Variants in PTPRG observed in about 807,000 individuals in gnomAD.
PTPRG encodes the protein receptor-type tyrosine-protein phosphatase gamma.
In PTPRG, 102 loss-of-function variants were observed where a neutral mutation model predicts 165.3. That is an observed-to-expected ratio of 0.62 (90% confidence interval 0.53 to 0.73). PTPRG has a LOEUF of 0.73. Among genes scored for constraint, PTPRG ranks in the 30% least tolerant of loss-of-function variants. The probability of loss-of-function intolerance (pLI) is 0.00; values close to 1 mark genes in which losing one functional copy is unlikely to be tolerated. For missense variants in PTPRG, 1,866 were observed against 1,861.4 expected (o/e 1.00, Z -0.05); for synonymous variants, 675 against 669.5 (o/e 1.01, Z -0.13).
chr3:62,223,699 G>A (rs1182945875), intron 13 of PTPRG, among the ~76,000 whole-genome samples: 1 of 152,194 alleles, frequency 6.6e-6, no homozygotes, highest in Non-Finnish European at 1.5e-5. Context: ...TGAATGTGAG[G>A]TAGTGTTATA....
At position 61,609,113 on chromosome 3, in the gene PTPRG, A is replaced by G. The variant is rs76749386; in HGVS notation, c.85+46741A>G. ...ATGACCTTTTCCATTTATGAAAATT[A>G]CTCTTCAGGACGATATACCTTCATC... On this transcript the variant is annotated intron_variant, in intron 1 of 29. Coordinates refer to ENST00000474889, the MANE Select transcript of PTPRG (RefSeq NM_002841.4). Among the ~76,000 whole-genome samples the G allele has an allele frequency of 5.9e-3, 892 of 152,180 alleles. 4 individuals are homozygous for G. The highest frequency in any genetic ancestry group is 0.01 in the Non-Finnish European group (691 of 68,016).
At chr3:61,979,122 T>C (rs1346326418) in intron 2 of PTPRG, among the ~76,000 whole-genome samples, 1 of 152,228 alleles carries the variant, frequency 6.6e-6, no homozygotes, top group Non-Finnish European at 1.5e-5. Context: ...TGTTAGTCAT[T>C]TGATAGCAGA....
intron 5 of PTPRG, among the ~76,000 whole-genome samples, chr3:62,121,873 C>A (rs371843294): frequency 3.9e-5 from 6 of 152,166 alleles, no homozygotes; most frequent in African/African-American, 1.2e-4. Context: ...TTCTGGTTTT[C>A]CATTTTGTTC....
intron 5 of PTPRG, among the ~76,000 whole-genome samples, chr3:62,091,063 T>A (rs140185864): frequency 6.6e-6 from 1 of 152,344 alleles, no homozygotes; most frequent in African/African-American, 2.4e-5. Flanking sequence ...AAAATAACAA[T>A]GTTGATGATG....
chr3:62,203,425 G>A lies in PTPRG; in HGVS notation c.1630G>A (p.Ala544Thr), dbSNP rs1300672905. Reference sequence around the variant, plus strand: ...CACGCGCCTCCCGACGGCCGCCTCAGCCAGCAAGCAGGCGGCTAGGCCAGT... The same window carrying A: ...CACGCGCCTCCCGACGGCCGCCTCAACCAGCAAGCAGGCGGCTAGGCCAGT... The part of the protein sequence containing the change: ...WPTRLPTAAS[A>T]SKQAARPVLA... Residue 544 changes from alanine (A) to threonine (T), a missense_variant, in exon 12 of 30, where the codon GCC (alanine) becomes ACC (threonine). Ala to Thr is a moderately conservative substitution (Grantham distance 58). Around this residue, in one of 3 missense-constraint regions of PTPRG, gnomAD observed 1,452 missense variants for 1,463.0 expected, o/e 0.99. Coordinates refer to ENST00000474889, the MANE Select transcript of PTPRG (RefSeq NM_002841.4). The surrounding 1 kb of genome is among the most constrained non-coding windows in gnomAD (Gnocchi z 6.4). The A allele has an allele frequency of 1.9e-6, 3 of 1,607,772 alleles. No individual in the cohort carries two copies. The highest frequency in any genetic ancestry group is 2.2e-5 in the South Asian group (2 of 90,326).
chr3:61,637,527 C>T (rs535312173), intron 1 of PTPRG, among the ~76,000 whole-genome samples: 3 of 152,282 alleles, frequency 2.0e-5, no homozygotes, highest in Non-Finnish European at 2.9e-5. Context: ...AATGTCAAAA[C>T]TGAGACTGTG....
intron 5 of PTPRG, among the ~76,000 whole-genome samples, chr3:62,130,619 T>C (rs1703478859): frequency 2.0e-5 from 3 of 152,236 alleles, no homozygotes; most frequent in Admixed American, 2.0e-4. Flanking sequence ...AATCATTCTC[T>C]GGGATCCTTA....
intron 1 of PTPRG, among the ~76,000 whole-genome samples, chr3:61,737,779 A>G (rs1399524346): frequency 1.3e-5 from 2 of 151,224 alleles, no homozygotes; most frequent in East Asian, 3.9e-4. Flanking sequence ...TCTACCATCT[A>G]CCATGTTTAG....
At chr3:61,896,272 TG>T (rs1388489694) in intron 2 of PTPRG, among the ~76,000 whole-genome samples, 2 of 152,192 alleles carry the variant, frequency 1.3e-5, no homozygotes, top group Admixed American at 1.3e-4. Flanking sequence ...CTAAAGCTTT[TG>T]TCACTTCAAA....
intron 1 of PTPRG, among the ~76,000 whole-genome samples, chr3:61,643,039 G>A (rs947196327): frequency 1.3e-5 from 2 of 152,202 alleles, no homozygotes; most frequent in African/African-American, 4.8e-5. Flanking sequence ...TGTTGTTAGG[G>A]ATACCATTGG....
intron 2 of PTPRG, among the ~76,000 whole-genome samples, chr3:61,833,265 A>G (rs73094182): frequency 0.054 from 8,160 of 152,306 alleles, 284 homozygotes; most frequent in South Asian, 0.16. Flanking sequence ...GACTTTCACT[A>G]TAATGCCCCC....
chr3:61,657,781 C>T (rs1259940851), intron 1 of PTPRG, among the ~76,000 whole-genome samples: 1 of 152,210 alleles, frequency 6.6e-6, no homozygotes, highest in Non-Finnish European at 1.5e-5. Context: ...AGTTCCCACG[C>T]TTAAAAAGTG....
intron 2 of PTPRG, among the ~76,000 whole-genome samples, chr3:61,932,437 T>G (rs2039384798): frequency 6.6e-6 from 1 of 152,216 alleles, no homozygotes; most frequent in African/African-American, 2.4e-5. Flanking sequence ...CTATGAATAC[T>G]TAAATATATT....
intron 2 of PTPRG, among the ~76,000 whole-genome samples, chr3:61,758,966 A>G (rs1456176452): frequency 6.6e-6 from 1 of 152,184 alleles, no homozygotes; most frequent in African/African-American, 2.4e-5. Context: ...AAGCTTAAGT[A>G]TAATCTTGTC....
At chr3:62,280,741 C>T (rs887157688) in intron 26 of PTPRG, among the ~76,000 whole-genome samples, 3 of 151,932 alleles carry the variant, frequency 2.0e-5, no homozygotes, top group African/African-American at 4.8e-5. Flanking sequence ...ATCAACACCT[C>T]GTAAAGATAT....
At chr3:61,579,650 C>T (rs1280441252) in intron 1 of PTPRG, among the ~76,000 whole-genome samples, 1 of 152,254 alleles carries the variant, frequency 6.6e-6, no homozygotes, top group Non-Finnish European at 1.5e-5. Context: ...GCTCTTCTTT[C>T]TAACAGTGTG....
Position 62,119,687 on chromosome 3 carries a change from C to G in PTPRG, c.616-12915C>G, listed in dbSNP as rs150368482. Among the ~76,000 whole-genome samples the G allele has an allele frequency of 9.5e-3, 1,438 of 151,648 alleles. 16 individuals carry two copies. The highest frequency in any genetic ancestry group is 0.054 in the Middle Eastern group (16 of 294). ...CCAGGCTGCAGTGCAGTGGCACAGT[C>G]TTGGCTCACTGCAAACTCCACGTCC... On this transcript the variant is annotated intron_variant, in intron 5 of 29. Transcript: ENST00000474889.
intron 1 of PTPRG, among the ~76,000 whole-genome samples, chr3:61,597,133 C>G (rs1465742034): frequency 6.6e-6 from 1 of 152,080 alleles, no homozygotes; most frequent in Non-Finnish European, 1.5e-5. Context: ...GTAACAAACC[C>G]ACTCCCTCCT....
chr3:61,863,166 G>T (rs1004338187), intron 2 of PTPRG, among the ~76,000 whole-genome samples: 1 of 152,320 alleles, frequency 6.6e-6, no homozygotes, highest in African/African-American at 2.4e-5. Flanking sequence ...TGGGCTGCCA[G>T]TGCTTAGGGC....
Sources: allele counts gnomAD v4.1 joint callset (sites outside exome capture counted in the v4.1 genomes callset), GRCh38; gene constraint gnomAD v4.1.1; regional missense constraint gnomAD v4.1.1; non-coding constraint Gnocchi (gnomAD v3.1); transcripts MANE v1.5; gene names NCBI Gene and HGNC (gene_info 2026-07-23, HGNC 2026-07-21).